RAPGEF2: variants seen among roughly 807,000 people sequenced by gnomAD.
The protein encoded by RAPGEF2 is PDZ domain containing guanine nucleotide exchange factor (GEF) 1.
In RAPGEF2, 54 loss-of-function variants were observed where a neutral mutation model predicts 186.7. The ratio of observed to expected loss-of-function variants is 0.29; its 90% CI spans 0.23 to 0.36. The LOEUF is 0.36. RAPGEF2 is among the 10% of genes least tolerant of loss of function. The pLI, the probability that RAPGEF2 is intolerant of heterozygous loss-of-function variation, is 1.00. For missense variants in RAPGEF2, 1,532 were observed against 2,045.0 expected, an observed-to-expected ratio of 0.75 and a Z score of 4.84; for synonymous variants, 712 against 705.9, an observed-to-expected ratio of 1.01 and a Z score of -0.14.
At chr4:159,225,232 A>G (rs1751907498) in intron 4 of RAPGEF2, among the ~76,000 whole-genome samples, 1 of 152,122 alleles carries the variant, frequency 6.6e-6, no homozygotes, top group Non-Finnish European at 1.5e-5. Context: ...CAGAATTTGA[A>G]AACTTTAAAA....
At chr4:159,149,574 T>C (rs114813253) in intron 1 of RAPGEF2, among the ~76,000 whole-genome samples, 1,922 of 152,292 alleles carry the variant, frequency 0.013, 32 homozygotes, top group Non-Finnish European at 0.02. Context: ...TTAGTTTTTC[T>C]TCTTCCTCTT....
chr4:159,125,789 T>C (rs566926048), intron 1 of RAPGEF2, among the ~76,000 whole-genome samples: 3 of 152,050 alleles, frequency 2.0e-5, no homozygotes, highest in Admixed American at 6.6e-5. Context: ...TTCGCTGTTA[T>C]AGTCTGTGCA....
intron 4 of RAPGEF2, among the ~76,000 whole-genome samples, chr4:159,224,742 A>G (rs1300023114): frequency 6.6e-6 from 1 of 152,206 alleles, no homozygotes; most frequent in East Asian, 1.9e-4. Context: ...GAATCCCTGG[A>G]AGATCTGGTA....
intron 16 of RAPGEF2, 92 bp from the exon 17 acceptor site, chr4:159,332,359 C>T (rs1766806006): frequency 2.2e-6 from 3 of 1,340,140 alleles, no homozygotes; most frequent in Non-Finnish European, 3.1e-6. Flanking sequence ...GTCTGTACTT[C>T]TCATATATTT....
chr4:159,202,385 G>A (rs1003198042), intron 3 of RAPGEF2, among the ~76,000 whole-genome samples: 1 of 152,048 alleles, frequency 6.6e-6, no homozygotes, highest in African/African-American at 2.4e-5. Flanking sequence ...CTTAGATTTT[G>A]CATGGGCACC....
intron 1 of RAPGEF2, among the ~76,000 whole-genome samples, chr4:159,112,739 C>T (rs563393989): frequency 3.3e-5 from 5 of 152,260 alleles, no homozygotes; most frequent in Non-Finnish European, 5.9e-5. Context: ...CAGGAATCAT[C>T]AATGGATGCC....
rs368303569 is a variant in RAPGEF2, at chr4:159,330,295, G to GTA, written c.1303-31_1303-30dup. The GTA allele has an allele frequency of 9.2e-3, 8,487 of 922,906 alleles. 96 individuals are homozygous for GTA. Among genetic ancestry groups the GTA allele is most frequent in the Middle Eastern group, 0.012 (54 of 4,422 alleles). 57.2% of individuals were successfully genotyped at this position (922,906 alleles called of 1,614,324 possible). A position where few individuals can be genotyped will look rare whatever the true frequency, so the allele number is the denominator to read the frequency against. ...TGTGTGTGTGTGTGTGTGTGTGTGT[G>GTA]TATATATATGTAGTAATTAAACCTT... On this transcript the variant is annotated intron_variant, in intron 12 of 29. Coordinates refer to ENST00000691494, the MANE Select transcript of RAPGEF2 (RefSeq NM_001394067.2).
intron 7 of RAPGEF2, among the ~76,000 whole-genome samples, chr4:159,252,076 C>G (rs1561149987): frequency 6.6e-6 from 1 of 152,084 alleles, no homozygotes; most frequent in South Asian, 2.1e-4. Context: ...TAACATTCAC[C>G]GTGAGGGTCT....
intron 7 of RAPGEF2, among the ~76,000 whole-genome samples, chr4:159,301,182 G>A (rs1228605350): frequency 6.6e-6 from 1 of 152,074 alleles, no homozygotes; most frequent in East Asian, 1.9e-4. Context: ...AGACCAGCTT[G>A]GCCAACATGG....
chr4:159,266,127 G>A (rs1184468110), intron 7 of RAPGEF2, among the ~76,000 whole-genome samples: 4 of 152,056 alleles, frequency 2.6e-5, no homozygotes, highest in African/African-American at 9.7e-5. Context: ...GAGGACTCCG[G>A]TTGTGGGGCA....
intron 27 of RAPGEF2, 40 bp downstream of exon 27, chr4:159,352,950 C>A: frequency 6.7e-7 from 1 of 1,496,794 alleles, no homozygotes; most frequent in Non-Finnish European, 9.1e-7. Context: ...ATTTATCCTT[C>A]CATCTCTGTT....
At chr4:159,133,318 C>G (rs11936650) in intron 1 of RAPGEF2, among the ~76,000 whole-genome samples, 10,321 of 152,102 alleles carry the variant, frequency 0.068, 512 homozygotes, top group African/African-American at 0.12. Context: ...GCTTACAGGA[C>G]TACTAGCATT....
chr4:159,124,432 G>C (rs562518536), intron 1 of RAPGEF2, among the ~76,000 whole-genome samples: 7 of 152,030 alleles, frequency 4.6e-5, no homozygotes, highest in East Asian at 1.9e-4. Context: ...CCAGCTACTC[G>C]GGAAGCTGAG....
intron 7 of RAPGEF2, chr4:159,282,637 CA>C (rs1759879571): frequency 2.2e-6 from 1 of 450,026 alleles, no homozygotes; most frequent in African/African-American, 2.0e-5. Context: ...GAGACTACAT[CA>C]TGGTATGTAT....
At position 159,323,403 on chromosome 4, in the gene RAPGEF2, T is replaced by TA. The variant is rs138112057; in HGVS notation, c.991-55dup. 774 of 1,412,122 alleles carry TA rather than the reference T, an allele frequency of 5.5e-4. 5 individuals carry two copies. In the African/African-American group the frequency reaches 0.01, roughly 19 times the overall value. 87.5% of individuals were successfully genotyped at this position (1,412,122 alleles called of 1,614,324 possible). On this transcript the variant is annotated intron_variant, in intron 10 of 29. Transcript: ENST00000691494. ...CATTTTTAGGGACCATACTGGCACT[T>TA]ACAGCTGTATGATCATGATGTTACT...
chr4:159,315,241 A>T (rs865786694), intron 9 of RAPGEF2, among the ~76,000 whole-genome samples: 2 of 151,952 alleles, frequency 1.3e-5, no homozygotes, highest in Admixed American at 6.5e-5. Context: ...GGTTAGTGGC[A>T]TATAGGCTGT....
At chr4:159,185,221 T>C (rs2111290241) in intron 1 of RAPGEF2, among the ~76,000 whole-genome samples, 1 of 152,238 alleles carries the variant, frequency 6.6e-6, no homozygotes. Context: ...ACCTGTGGGA[T>C]TATAAAATGG....
intron 1 of RAPGEF2, among the ~76,000 whole-genome samples, chr4:159,121,507 A>G (rs1739680137): frequency 6.6e-6 from 1 of 151,930 alleles, no homozygotes; most frequent in Non-Finnish European, 1.5e-5. Context: ...CTGGTACTAC[A>G]GGTGTGTGCT....
At chr4:159,217,557 C>T (rs1751103809) in intron 4 of RAPGEF2, among the ~76,000 whole-genome samples, 1 of 152,208 alleles carries the variant, frequency 6.6e-6, no homozygotes. Flanking sequence ...CAGTCCACCA[C>T]AGATGGGCAC....
Sources: allele counts gnomAD v4.1 joint callset (sites outside exome capture counted in the v4.1 genomes callset), GRCh38; gene constraint gnomAD v4.1.1; transcripts MANE v1.5; gene names NCBI Gene and HGNC (gene_info 2026-07-23, HGNC 2026-07-21).